ZFHX3: variants seen among roughly 807,000 people sequenced by gnomAD.
ZFHX3 encodes the protein zinc finger homeobox protein 3.
ZFHX3 carries 42 observed loss-of-function variants against 279.1 expected under a neutral mutation model. That is an observed-to-expected ratio of 0.15 (90% CI 0.12 to 0.19). The LOEUF is 0.19. Ranked by LOEUF, ZFHX3 falls within the 10% of genes least tolerant of loss-of-function variation. The pLI is 1.00. For missense variants in ZFHX3, 4,981 were observed against 4,754.0 expected (o/e 1.05, Z -1.40); for synonymous variants, 2,293 against 1,957.8 (o/e 1.17, Z -4.52).
chr16:73,245,927 G>A (rs557944804), intron 5 of ZFHX3, among the ~76,000 whole-genome samples: 11 of 152,086 alleles, frequency 7.2e-5, no homozygotes, highest in Non-Finnish European at 1.5e-4. Context: ...TGAGTCCTTG[G>A]GCGTGGACCA....
chr16:73,351,360 A>G (rs2016238010), intron 3 of ZFHX3, among the ~76,000 whole-genome samples: 1 of 152,166 alleles, frequency 6.6e-6, no homozygotes, highest in African/African-American at 2.4e-5. Context: ...GTCCAACAGA[A>G]TTGATTTTCA....
intron 1 of ZFHX3, among the ~76,000 whole-genome samples, chr16:72,992,644 A>C (rs2144574034): frequency 6.6e-6 from 1 of 152,340 alleles, no homozygotes; most frequent in Non-Finnish European, 1.5e-5. Context: ...TCTAGGTCTT[A>C]ATTAAAGTGG....
chr16:72,980,029 C>A (rs751544702), intron 1 of ZFHX3, among the ~76,000 whole-genome samples: 15 of 152,186 alleles, frequency 9.9e-5, no homozygotes, highest in Non-Finnish European at 1.8e-4. Context: ...AGCCCTATTT[C>A]CCGGATCTCT....
At position 73,616,806 on chromosome 16, in the gene ZFHX3, G is replaced by A. The variant is rs145967062; in HGVS notation, c.-1547+63374C>T. ...TTTCATTTTAAACAACATGAGGCCT[G>A]AAGGTGATTTCACATTTCTAACGTA... On this transcript the variant is annotated intron_variant, in intron 2 of 17. Coordinates refer to the ZFHX3 transcript ENST00000641206. Among the ~76,000 whole-genome samples, 652 of 152,286 alleles carry A rather than the reference G, an allele frequency of 4.3e-3. 8 individuals carry two copies. Among genetic ancestry groups the A allele is most frequent in the Non-Finnish European group, 6.5e-3 (440 of 68,030 alleles).
rs146849013 is a variant in ZFHX3, at chr16:72,788,692, G to T, written c.9584C>A (p.Pro3195His). 4.4e-5 allele frequency: 71 copies of T among 1,612,710 alleles called. No individual in the cohort carries two copies. The highest frequency in any genetic ancestry group is 1.7e-4 in the Admixed American group (10 of 59,926). The change falls in exon 10 of 10, where the codon CCC becomes CAC. Residue 3195 changes from proline to histidine, a missense_variant. Transcript: ENST00000268489. ...QATMAMGPQQ[P>H]PQQQQQQQQP... The stretch of plus-strand genomic sequence containing the variant: ...CTGCTGCTGCTGCTGCTGCTGGGGG[G>T]GTTGCTGAGGGCCCATCGCCATCGT...
chr16:73,191,592 G>A (rs867062261), intron 5 of ZFHX3, among the ~76,000 whole-genome samples: 1 of 152,064 alleles, frequency 6.6e-6, no homozygotes, highest in Admixed American at 6.5e-5. Flanking sequence ...AACCCCTCCC[G>A]TTTGGTCACC....
intron 4 of ZFHX3, among the ~76,000 whole-genome samples, chr16:72,840,144 CTTAT>C (rs1022936243): frequency 6.6e-5 from 10 of 151,834 alleles, no homozygotes; most frequent in Non-Finnish European, 1.0e-4. Context: ...AATCCGTTTC[CTTAT>C]TTATTTATTT....
intron 4 of ZFHX3, among the ~76,000 whole-genome samples, chr16:72,851,507 C>A (rs1455516878): frequency 6.6e-6 from 1 of 152,078 alleles, no homozygotes; most frequent in African/African-American, 2.4e-5. Context: ...AAATTCCTCT[C>A]TGGGGAGCTC....
chr16:73,730,830 G>A (rs1329824861), intron 1 of ZFHX3, among the ~76,000 whole-genome samples: 1 of 152,082 alleles, frequency 6.6e-6, no homozygotes, highest in Non-Finnish European at 1.5e-5. Flanking sequence ...TAAGACAAGG[G>A]AATTCTAAGG....
intron 4 of ZFHX3, among the ~76,000 whole-genome samples, chr16:72,877,203 T>C (rs1043442731): frequency 2.6e-5 from 4 of 152,102 alleles, no homozygotes; most frequent in African/African-American, 9.7e-5. Context: ...GGGAATCAAA[T>C]GGCTGCAGAA....
intron 2 of ZFHX3, among the ~76,000 whole-genome samples, chr16:73,624,797 C>T (rs956282265): frequency 1.3e-5 from 2 of 152,188 alleles, no homozygotes; most frequent in African/African-American, 2.4e-5. Context: ...AATGTGCCTC[C>T]GCTTTCCCTG....
At chr16:73,521,372 T>C (rs916190100) in intron 2 of ZFHX3, among the ~76,000 whole-genome samples, 7 of 152,176 alleles carry the variant, frequency 4.6e-5, no homozygotes, top group African/African-American at 1.4e-4. Context: ...ATAATAGCAA[T>C]AATAATAATG....
At chr16:73,361,168 G>C (rs184151847) in intron 3 of ZFHX3, among the ~76,000 whole-genome samples, 2 of 152,342 alleles carry the variant, frequency 1.3e-5, no homozygotes, top group East Asian at 3.9e-4. Context: ...CCGGTAGGCT[G>C]GCACGTTGGT....
At chr16:73,676,596 A>C (rs34348731) in intron 2 of ZFHX3, among the ~76,000 whole-genome samples, 1 of 151,920 alleles carries the variant, frequency 6.6e-6, no homozygotes, top group African/African-American at 2.4e-5. Flanking sequence ...AAGAAAATAT[A>C]AAGAAAGCAA....
At chr16:73,146,208 T>C (rs550124466) in intron 5 of ZFHX3, among the ~76,000 whole-genome samples, 1 of 152,192 alleles carries the variant, frequency 6.6e-6, no homozygotes, top group Admixed American at 6.5e-5. Context: ...GATGGGCGGA[T>C]CACAAGGTCA....
chr16:73,580,232 C>A (rs1447782688), intron 2 of ZFHX3, among the ~76,000 whole-genome samples: 2 of 152,002 alleles, frequency 1.3e-5, no homozygotes, highest in Admixed American at 6.5e-5. Context: ...GTAATCCCAG[C>A]ACTCTGGGAG....
In ZFHX3 at chr16:73,507,485, C is replaced by CTTTTTTT. The variant is rs752001880; in HGVS notation, c.-1546-51234_-1546-51228dup. ...AAATGCGTGAAATTCAGCTCTGCCA[C>CTTTTTTT]TTTTTTTTTTTTTTTTTTTTTTTTT... On this transcript the variant is annotated intron_variant, in intron 2 of 17. Coordinates refer to the ZFHX3 transcript ENST00000641206. 2.3e-4 allele frequency among the ~76,000 whole-genome samples: 18 copies of CTTTTTTT among 79,790 alleles called. 2 individuals carry two copies. In the South Asian group the frequency reaches 2.6e-3, roughly 12 times the overall value. The allele number at this position is 79,790 out of a possible 152,430, so 52.3% of individuals were successfully genotyped here. A position where few individuals can be genotyped will look rare whatever the true frequency, so the allele number is the denominator to read the frequency against.
chr16:73,726,478 T>C (rs1321468911), intron 1 of ZFHX3, among the ~76,000 whole-genome samples: 5 of 152,208 alleles, frequency 3.3e-5, no homozygotes, highest in African/African-American at 1.2e-4. Context: ...CTACGCATTG[T>C]AGGATGTTTA....
chr16:72,914,582 C>A (rs945019220), intron 3 of ZFHX3, among the ~76,000 whole-genome samples: 3 of 152,168 alleles, frequency 2.0e-5, no homozygotes, highest in African/African-American at 7.2e-5. Context: ...CTTGTTTAAT[C>A]CTAACATTTG....
Sources: gnomAD v4.1 joint callset for allele counts (sites outside exome capture counted in the v4.1 genomes callset) on GRCh38, gnomAD v4.1.1 for gene constraint, MANE v1.5 for transcripts, NCBI Gene and HGNC (gene_info 2026-07-23, HGNC 2026-07-21) for gene names.